The following ADAM32 variants were observed in gnomAD, a reference collection of about 807,000 sequenced individuals.
ADAM32 encodes ADAM metallopeptidase domain 32.
A neutral mutation model predicts 114.9 loss-of-function variants in ADAM32; 89 were observed. That is an observed-to-expected ratio of 0.77 (90% CI 0.65 to 0.92). The LOEUF (loss-of-function observed/expected upper bound fraction) is 0.92, where lower values mean the gene tolerates loss of function less well. Among genes scored for constraint, ADAM32 ranks in the 40% least tolerant of loss-of-function variants. The pLI is 0.00. For missense variants in ADAM32, 870 were observed against 932.8 expected, an observed-to-expected ratio of 0.93 and a Z score of 0.88; for synonymous variants, 285 against 307.5, an observed-to-expected ratio of 0.93 and a Z score of 0.77.
At chr8:39,275,938 T>G in intron 22 of ADAM32, 72 bp downstream of exon 22, 1 of 1,389,226 alleles carries the variant, frequency 7.2e-7, no homozygotes, top group Non-Finnish European at 9.8e-7. Context: ...AAATTGATAA[T>G]TAACAATTAC....
At chr8:39,253,002 AT>A (rs1342210091) in intron 17 of ADAM32, among the ~76,000 whole-genome samples, 1 of 151,692 alleles carries the variant, frequency 6.6e-6, no homozygotes, top group Non-Finnish European at 1.5e-5. Context: ...AAACAAGAAA[AT>A]AAAATTGCAG....
intron 7 of ADAM32, among the ~76,000 whole-genome samples, chr8:39,163,014 C>CAAACAA (rs1405987852): frequency 6.6e-6 from 1 of 152,080 alleles, no homozygotes; most frequent in Non-Finnish European, 1.5e-5. Flanking sequence ...AACAAAGAAA[C>CAAACAA]AAACAAACAA....
At chr8:39,157,542 G>C in intron 6 of ADAM32, 1 of 490,786 alleles carries the variant, frequency 2.0e-6, no homozygotes, top group Non-Finnish European at 4.0e-6. Context: ...CTGGCATTAA[G>C]CTCCTTCTTC....
chr8:39,269,214 G>A (rs1812559977), intron 19 of ADAM32, among the ~76,000 whole-genome samples: 1 of 152,140 alleles, frequency 6.6e-6, no homozygotes, highest in Non-Finnish European at 1.5e-5. Context: ...AGAGACTACT[G>A]GGATTTGCCT....
intron 9 of ADAM32, chr8:39,168,094 T>C (rs1298661329): frequency 6.8e-6 from 1 of 147,206 alleles, no homozygotes; most frequent in East Asian, 2.0e-4. Context: ...TCCATATCTA[T>C]AATTTTTCTA....
chr8:39,154,114 C>T (rs1372275537), intron 6 of ADAM32, among the ~76,000 whole-genome samples: 8 of 151,048 alleles, frequency 5.3e-5, no homozygotes, highest in Non-Finnish European at 8.8e-5. Context: ...TAGGTACACA[C>T]GTGCCATGGT....
intron 10 of ADAM32, among the ~76,000 whole-genome samples, chr8:39,184,326 CATAACAT>C (rs1276297418): frequency 6.6e-6 from 1 of 152,172 alleles, no homozygotes; most frequent in East Asian, 1.9e-4. Flanking sequence ...CCCTCCCTAT[CATAACAT>C]GTCTCACTCC....
chr8:39,236,808 CTT>C (rs1023526387), intron 16 of ADAM32, among the ~76,000 whole-genome samples: 19 of 152,086 alleles, frequency 1.2e-4, no homozygotes, highest in African/African-American at 4.1e-4. Flanking sequence ...GAAAATATAA[CTT>C]ATCAAAACTT....
intron 3 of ADAM32, among the ~76,000 whole-genome samples, chr8:39,143,799 A>G (rs1201476997): frequency 1.3e-5 from 2 of 152,130 alleles, no homozygotes. Context: ...CTTTTGTTCT[A>G]CTATGCCCTG....
intron 22 of ADAM32, among the ~76,000 whole-genome samples, chr8:39,276,866 A>G (rs1362274760): frequency 6.6e-6 from 1 of 152,180 alleles, no homozygotes; most frequent in Non-Finnish European, 1.5e-5. Context: ...ATATTCTGTC[A>G]TCTCAGATAA....
chr8:39,161,841 A>G (rs1245225735), intron 7 of ADAM32, among the ~76,000 whole-genome samples: 1 of 152,052 alleles, frequency 6.6e-6, no homozygotes, highest in Non-Finnish European at 1.5e-5. Context: ...AGACATTGAG[A>G]TAGTTGAGAG....
intron 11 of ADAM32, among the ~76,000 whole-genome samples, chr8:39,207,147 C>T (rs1051199920): frequency 6.6e-6 from 1 of 152,158 alleles, no homozygotes; most frequent in African/African-American, 2.4e-5. Flanking sequence ...TATGGCCAGG[C>T]TGGCTTCTCT....
chr8:39,218,528 A>G (rs564707457), intron 12 of ADAM32, among the ~76,000 whole-genome samples: 4 of 152,318 alleles, frequency 2.6e-5, no homozygotes, highest in Admixed American at 1.3e-4. Flanking sequence ...GAAACCTTAG[A>G]AATACACCTG....
intron 10 of ADAM32, among the ~76,000 whole-genome samples, chr8:39,186,129 A>AAT: frequency 6.6e-6 from 1 of 152,332 alleles, no homozygotes; most frequent in African/African-American, 2.4e-5. Flanking sequence ...GCTCATTTGC[A>AAT]GCGTTCCCTT....
At chr8:39,260,453 C>T (rs1402650941) in intron 19 of ADAM32, among the ~76,000 whole-genome samples, 2 of 152,084 alleles carry the variant, frequency 1.3e-5, no homozygotes, top group Non-Finnish European at 2.9e-5. Context: ...TTTAATGTAG[C>T]TGTGGGCTTA....
intron 22 of ADAM32, 26 bp downstream of exon 22, chr8:39,275,892 TTATATAATAAG>T: frequency 6.5e-7 from 1 of 1,531,640 alleles, no homozygotes; most frequent in Non-Finnish European, 8.8e-7. Context: ...GGCATTTTTT[TTATATAATAAG>T]TATATGTTAA....
intron 23 of ADAM32, among the ~76,000 whole-genome samples, chr8:39,282,474 A>G (rs1022983211): frequency 4.0e-4 from 61 of 152,202 alleles, no homozygotes; most frequent in African/African-American, 1.4e-3. Flanking sequence ...AGACAAGGGC[A>G]TCATCTATAG....
rs1239204420 is a variant in ADAM32 at position 39,254,456 on chromosome 8, A to G, written c.1945A>G (p.Lys649Glu). ...RNKCHCSPGY[K>E]PPNCQIRSKG... ...CAAGTGCCATTGTTCGCCAGGCTAT[A>G]AGCCTCCAAACTGCCAAATACGTTC... The change falls in exon 18 of 25, where the codon AAG (lysine) becomes GAG (glutamate). Residue 649 changes from lysine (K) to glutamate (E), a missense_variant. Lys to Glu is a moderately conservative substitution (Grantham distance 56). Coordinates refer to ENST00000379907, the MANE Select transcript of ADAM32 (RefSeq NM_145004.7). 6.2e-7 allele frequency: 1 copy of G among 1,603,016 alleles called. No individual in the cohort carries two copies. The highest frequency in any genetic ancestry group is 1.1e-5 in the South Asian group (1 of 88,688).
intron 18 of ADAM32, among the ~76,000 whole-genome samples, chr8:39,255,090 T>C (rs1336127712): frequency 6.6e-6 from 1 of 152,016 alleles, no homozygotes; most frequent in African/African-American, 2.4e-5. Flanking sequence ...ATGGTGTATA[T>C]ATACATCACA....
Sources: gnomAD v4.1 joint callset for allele counts (sites outside exome capture counted in the v4.1 genomes callset) on GRCh38, gnomAD v4.1.1 for gene constraint, MANE v1.5 for transcripts, NCBI Gene and HGNC (gene_info 2026-07-23, HGNC 2026-07-21) for gene names.